Variants in ADK observed in about 807,000 individuals in gnomAD.
ADK encodes adenosine kinase.
A neutral mutation model predicts 44.7 loss-of-function variants in ADK; 24 were observed. The ratio of observed to expected loss-of-function variants is 0.54; its 90% CI spans 0.39 to 0.76. ADK has a LOEUF of 0.76. Among genes scored for constraint, ADK ranks in the 30% least tolerant of loss-of-function variants. The pLI is 0.00. For synonymous variants in ADK, 128 were observed against 142.6 expected (o/e 0.90, Z 0.73); for missense variants, 321 against 425.1 (o/e 0.76, Z 2.15).
chr10:74,530,037 G>A (rs1429232806), intron 7 of ADK, among the ~76,000 whole-genome samples: 1 of 152,130 alleles, frequency 6.6e-6, no homozygotes, highest in Non-Finnish European at 1.5e-5. Context: ...TACTAGGTAA[G>A]TTGAAGGTCA....
chr10:74,617,764 A>T (rs1852832107), intron 9 of ADK, among the ~76,000 whole-genome samples: 1 of 151,680 alleles, frequency 6.6e-6, no homozygotes, highest in Non-Finnish European at 1.5e-5. Context: ...CTAATTTTTT[A>T]AATTTTTTGA....
At chr10:74,259,989 A>G (rs1845982646) in intron 3 of ADK, among the ~76,000 whole-genome samples, 1 of 151,964 alleles carries the variant, frequency 6.6e-6, no homozygotes, top group African/African-American at 2.4e-5. Flanking sequence ...TACCCTTTTG[A>G]GAGAGTTTTA....
At chr10:74,293,821 T>C (rs1839714661) in intron 3 of ADK, among the ~76,000 whole-genome samples, 1 of 152,170 alleles carries the variant, frequency 6.6e-6, no homozygotes, top group Non-Finnish European at 1.5e-5. Flanking sequence ...CATAGAAAGG[T>C]ATAAAAATCA....
intron 8 of ADK, among the ~76,000 whole-genome samples, chr10:74,597,467 C>G (rs1002291048): frequency 6.6e-6 from 1 of 152,170 alleles, no homozygotes; most frequent in Non-Finnish European, 1.5e-5. Flanking sequence ...GTTCCAGAAT[C>G]GAATCCCACA....
At chr10:74,664,672 G>A (rs1054822402) in intron 9 of ADK, among the ~76,000 whole-genome samples, 16 of 151,932 alleles carry the variant, frequency 1.1e-4, no homozygotes, top group South Asian at 2.1e-4. Context: ...ATGAAACTCC[G>A]TCTCTACTAA....
chr10:74,458,293 GGTTTT>G (rs1846033330), intron 6 of ADK, among the ~76,000 whole-genome samples: 1 of 135,610 alleles, frequency 7.4e-6, no homozygotes, highest in African/African-American at 2.7e-5. Context: ...ACCACTCCCA[GGTTTT>G]GTTTTTTTTT....
intron 7 of ADK, among the ~76,000 whole-genome samples, chr10:74,554,278 C>T (rs986604844): frequency 3.3e-5 from 5 of 151,964 alleles, no homozygotes; most frequent in African/African-American, 9.7e-5. Context: ...AAAGTATATC[C>T]TCTGCCTCCC....
At chr10:74,170,799 CAAAA>C (rs938297412) in intron 1 of ADK, among the ~76,000 whole-genome samples, 8 of 52,890 alleles carry the variant, frequency 1.5e-4, no homozygotes, top group African/African-American at 4.7e-4. Context: ...GACTCCATCT[CAAAA>C]AAAAAAAAAA....
chr10:74,584,330 T>C (rs1029612169), intron 7 of ADK, among the ~76,000 whole-genome samples: 1 of 152,144 alleles, frequency 6.6e-6, no homozygotes, highest in Non-Finnish European at 1.5e-5. Flanking sequence ...ACGAAATAGG[T>C]ATGGTTAACC....
intron 5 of ADK, among the ~76,000 whole-genome samples, chr10:74,395,169 T>G (rs1374133406): frequency 6.6e-6 from 1 of 152,218 alleles, no homozygotes; most frequent in African/African-American, 2.4e-5. Flanking sequence ...GTTGGAAATA[T>G]GTAGTCTGTC....
rs547318043 is a variant in ADK, at chr10:74,609,712, T to A, written c.877+9219T>A. ...ATCTTGCCAGCCACCCAAACCTATT[T>A]TTAAATGATCACACTGTTAAGTTTG... On this transcript the variant is annotated intron_variant, in intron 9 of 10. Coordinates refer to ENST00000539909, the MANE Select transcript of ADK (RefSeq NM_006721.4). Among the ~76,000 whole-genome samples the A allele has an allele frequency of 2.4e-4, 37 of 152,298 alleles. 1 individual carries two copies. Among genetic ancestry groups the A allele is most frequent in the Non-Finnish European group, 4.9e-4 (33 of 68,014 alleles).
intron 3 of ADK, among the ~76,000 whole-genome samples, chr10:74,271,135 A>G (rs993079210): frequency 5.3e-5 from 8 of 152,170 alleles, no homozygotes; most frequent in African/African-American, 1.9e-4. Context: ...AGGCTTCTGT[A>G]TTGAGAATTT....
At chr10:74,517,099 G>A (rs891297754) in intron 6 of ADK, among the ~76,000 whole-genome samples, 15 of 152,032 alleles carry the variant, frequency 9.9e-5, no homozygotes, top group Admixed American at 4.6e-4. Flanking sequence ...CCCACAACAC[G>A]TGGGAGCACA....
At chr10:74,221,948 G>T (rs561970350) in intron 2 of ADK, among the ~76,000 whole-genome samples, 2 of 152,162 alleles carry the variant, frequency 1.3e-5, no homozygotes, top group Non-Finnish European at 2.9e-5. Flanking sequence ...TACTATTCAG[G>T]ACATAGGCAT....
chr10:74,507,704 A>AT (rs1848138441), intron 6 of ADK, among the ~76,000 whole-genome samples: 1 of 152,138 alleles, frequency 6.6e-6, no homozygotes, highest in African/African-American at 2.4e-5. Context: ...ATATTTAAAA[A>AT]TTTTCTGTGC....
At chr10:74,237,928 G>A (rs1845034326) in intron 3 of ADK, among the ~76,000 whole-genome samples, 2 of 152,056 alleles carry the variant, frequency 1.3e-5, no homozygotes, top group Admixed American at 6.5e-5. Context: ...GAGAAACCCC[G>A]TCTCTACTAA....
chr10:74,158,587 G>A (rs1319411230), intron 1 of ADK, among the ~76,000 whole-genome samples: 1 of 152,120 alleles, frequency 6.6e-6, no homozygotes, highest in Non-Finnish European at 1.5e-5. Flanking sequence ...TTCCTCCTGG[G>A]TGTTCTACAA....
chr10:74,292,977 T>C (rs1412172972), intron 3 of ADK, among the ~76,000 whole-genome samples: 1 of 151,878 alleles, frequency 6.6e-6, no homozygotes, highest in Non-Finnish European at 1.5e-5. Context: ...ATAGTAAAGA[T>C]AGGAAGCCTG....
intron 3 of ADK, among the ~76,000 whole-genome samples, chr10:74,257,522 A>G (rs1845873107): frequency 6.6e-6 from 1 of 152,226 alleles, no homozygotes; most frequent in East Asian, 1.9e-4. Context: ...AGCAATTTAT[A>G]ATTTTATATC....
Sources: allele counts gnomAD v4.1 joint callset (sites outside exome capture counted in the v4.1 genomes callset), GRCh38; gene constraint gnomAD v4.1.1; transcripts MANE v1.5; gene names NCBI Gene and HGNC (gene_info 2026-07-23, HGNC 2026-07-21).